Variants in SUN1 observed in about 807,000 individuals in gnomAD.
SUN1 encodes the protein SUN domain-containing protein 1.
A neutral mutation model predicts 103.2 loss-of-function variants in SUN1; 61 were observed. The ratio of observed to expected loss-of-function variants is 0.59; its 90% CI spans 0.48 to 0.73. SUN1 has a LOEUF of 0.73. Ranked by LOEUF, SUN1 falls within the 30% of genes least tolerant of loss-of-function variation. SUN1 has a pLI of 0.00. For missense variants in SUN1, 1,052 were observed against 1,034.6 expected (o/e 1.02, Z -0.23); for synonymous variants, 490 against 425.7 (o/e 1.15, Z -1.86).
intron 10 of SUN1, 30 bp from the exon 11 acceptor site, chr7:854,890 A>G (rs751440599): frequency 6.4e-7 from 1 of 1,553,176 alleles, no homozygotes; most frequent in South Asian, 1.1e-5. Context: ...AACTTTCTCC[A>G]TCATTTGTTC....
upstream of SUN1, among the ~76,000 whole-genome samples, chr7:829,419 G>C (rs1487363149): frequency 6.6e-6 from 1 of 152,210 alleles, no homozygotes; most frequent in Non-Finnish European, 1.5e-5. Context: ...GCAGTGCAAG[G>C]GCTGGGGGCT....
chr7:837,331 G>A (rs886898071), intron 1 of SUN1, among the ~76,000 whole-genome samples: 7 of 152,208 alleles, frequency 4.6e-5, no homozygotes, highest in African/African-American at 1.7e-4. Context: ...GGACTGTGCC[G>A]CTTTTGGTCC....
intron 5 of SUN1, chr7:848,304 C>G: frequency 1.1e-6 from 1 of 935,482 alleles, no homozygotes; most frequent in Non-Finnish European, 1.5e-6. Context: ...AAGTGATTAT[C>G]TTTGGTGTCC....
chr7:835,354 T>C (rs1454645449), intron 1 of SUN1, among the ~76,000 whole-genome samples: 1 of 152,254 alleles, frequency 6.6e-6, no homozygotes, highest in Non-Finnish European at 1.5e-5. Context: ...CTGGATTCTT[T>C]AAAGCCAGTC....
chr7:848,545 C>G (rs1204483906), intron 5 of SUN1: 2 of 1,360,932 alleles, frequency 1.5e-6, no homozygotes, highest in Non-Finnish European at 2.0e-6. Flanking sequence ...CAGAAAATTA[C>G]AAATTGAAAA....
upstream of SUN1, among the ~76,000 whole-genome samples, chr7:829,834 G>A (rs1025066847): frequency 1.3e-5 from 2 of 152,108 alleles, no homozygotes; most frequent in African/African-American, 2.4e-5. Flanking sequence ...GATTATAGGC[G>A]TGAGCCACCG....
At chr7:833,774 C>T (rs1336419646) in intron 1 of SUN1, among the ~76,000 whole-genome samples, 1 of 152,248 alleles carries the variant, frequency 6.6e-6, no homozygotes, top group African/African-American at 2.4e-5. Context: ...TAGCAACACA[C>T]TCTGTTTTCT....
intron 14 of SUN1, 25 bp downstream of exon 14, chr7:860,407 A>T (rs779601275): frequency 6.2e-7 from 1 of 1,607,928 alleles, no homozygotes; most frequent in Non-Finnish European, 8.5e-7. Context: ...CGGCGGCAAG[A>T]GATGCTTACA....
At chr7:849,572 T>TG in intron 5 of SUN1, 1 of 1,424,138 alleles carries the variant, frequency 7.0e-7, no homozygotes, top group Non-Finnish European at 9.4e-7. Context: ...TCAGAGAGGA[T>TG]GGCCACCTCA....
rs183872262 is a variant in SUN1, at chr7:842,014, C to T, written c.335C>T (p.Thr112Met). ...FSINHVSRQVTSSGVSHGGTV... is the reference protein window; with the variant it reads ...FSINHVSRQVMSSGVSHGGTV... ...ATCAACCACGTGTCAAGGCAGGTCACGTCCTCTGGCGTCAGCCACGGCGGC... is the reference window on the plus strand; with the variant it reads ...ATCAACCACGTGTCAAGGCAGGTCATGTCCTCTGGCGTCAGCCACGGCGGC... The change falls in exon 3 of 19, where the codon ACG becomes ATG. Residue 112 changes from threonine to methionine, a missense_variant. By Grantham distance (81) the Thr-to-Met change is moderately conservative. Around this residue, in one of 2 missense-constraint regions of SUN1, gnomAD observed 846 missense variants for 774.5 expected, o/e 1.09. Transcript: ENST00000401592. 919 of 1,614,200 alleles carry T rather than the reference C, an allele frequency of 5.7e-4. No individual in the cohort carries two copies. The highest frequency in any genetic ancestry group is 7.2e-4 in the Non-Finnish European group (846 of 1,180,038).
chr7:850,054 C>T (rs762678625), intron 5 of SUN1: 19 of 1,542,698 alleles, frequency 1.2e-5, no homozygotes, highest in South Asian at 3.5e-5. Context: ...GCCCCGTCTC[C>T]GTCTCATCTC....
At chr7:830,451 A>C (rs1055509558), upstream of SUN1, among the ~76,000 whole-genome samples, 1 of 152,242 alleles carries the variant, frequency 6.6e-6, no homozygotes, top group Admixed American at 6.5e-5. Context: ...GAAATAGAGA[A>C]AATGATAGAT....
In SUN1 at chr7:843,746, T is replaced by C. The variant is rs1019883458; in HGVS notation, c.658+226T>C. Reference sequence around the variant, plus strand: ...TAAAAGTATTTGAAATTCTATAAATTTGGACTTGACGTGAGCAAAAGAAAA... The same window carrying C: ...TAAAAGTATTTGAAATTCTATAAATCTGGACTTGACGTGAGCAAAAGAAAA... On this transcript the variant is annotated intron_variant, in intron 5 of 18. Transcript: ENST00000401592. 2.1e-6 allele frequency: 3 copies of C among 1,429,610 alleles called. No homozygotes were observed. The African/African-American group carries it at 4.3e-5, about 21-fold the overall frequency. The allele number at this position is 1,429,610 out of a possible 1,614,324, so 88.6% of individuals were successfully genotyped here.
intron 1 of SUN1, among the ~76,000 whole-genome samples, chr7:837,010 G>T (rs187328679): frequency 6.6e-6 from 1 of 152,256 alleles, no homozygotes; most frequent in Middle Eastern, 3.2e-3. Context: ...CCGACGCATG[G>T]ATGGCCTGAG....
At chr7:851,559 C>T (rs1304764756) in intron 6 of SUN1, 77 bp downstream of exon 6, 6 of 1,234,042 alleles carry the variant, frequency 4.9e-6, no homozygotes, top group Non-Finnish European at 5.8e-6. Context: ...ATTTACCTAA[C>T]CAAGTAAAAA....
intron 6 of SUN1, 65 bp downstream of exon 6, chr7:851,547 C>CGGT (rs1822150870): frequency 1.5e-6 from 2 of 1,328,092 alleles, no homozygotes; most frequent in Non-Finnish European, 2.1e-6. Context: ...CACCTGCACT[C>CGGT]GATTTACCTA....
intron 17 of SUN1, among the ~76,000 whole-genome samples, chr7:870,883 CTTTCTTTTTTTTTT>C (rs1055943656): frequency 3.2e-5 from 4 of 126,346 alleles, no homozygotes; most frequent in Non-Finnish European, 5.0e-5. Context: ...TTTTTATTTT[CTTTCTTTTTTTTTT>C]TTTTTTTTTT....
intron 1 of SUN1, among the ~76,000 whole-genome samples, chr7:834,667 TC>T (rs1355924902): frequency 4.6e-5 from 7 of 152,252 alleles, no homozygotes; most frequent in Non-Finnish European, 8.8e-5. Context: ...GAGCGGCCGT[TC>T]CTGATGGCTT....
At chr7:852,325 C>T in intron 7 of SUN1, 2 of 594,922 alleles carry the variant, frequency 3.4e-6, no homozygotes, top group East Asian at 2.9e-5. Flanking sequence ...CTGCAGTTCC[C>T]AGTGGCATCA....
Sources: allele counts gnomAD v4.1 joint callset (sites outside exome capture counted in the v4.1 genomes callset), GRCh38; gene constraint gnomAD v4.1.1; regional missense constraint gnomAD v4.1.1; transcripts MANE v1.5; gene names NCBI Gene and HGNC (gene_info 2026-07-23, HGNC 2026-07-21).